Variants in KIF5C observed in about 807,000 individuals in gnomAD.
The protein encoded by KIF5C is kinesin family member 5C.
A neutral mutation model predicts 125.2 loss-of-function variants in KIF5C; 18 were observed. That is an observed-to-expected ratio of 0.14 (90% CI 0.10 to 0.21). The LOEUF (loss-of-function observed/expected upper bound fraction) is 0.21. Ranked by LOEUF, KIF5C falls within the 10% of genes least tolerant of loss-of-function variation. The probability of loss-of-function intolerance (pLI) is 1.00; values close to 1 mark genes in which losing one functional copy is unlikely to be tolerated. For synonymous variants in KIF5C, 405 were observed against 434.0 expected (o/e 0.93, Z 0.83); for missense variants, 780 against 1,183.8 (o/e 0.66, Z 5.01).
chr2:148,884,685 C>G (rs1158072700), intron 1 of KIF5C, among the ~76,000 whole-genome samples: 1 of 152,182 alleles, frequency 6.6e-6, no homozygotes, highest in Non-Finnish European at 1.5e-5. Flanking sequence ...CACAATAACA[C>G]TATCACACAT....
chr2:148,983,051 A>C (rs577819837), intron 14 of KIF5C, among the ~76,000 whole-genome samples: 36 of 152,376 alleles, frequency 2.4e-4, no homozygotes, highest in African/African-American at 8.4e-4. Flanking sequence ...AACGTAACCT[A>C]ATTTTGAAAA....
chr2:148,917,321 C>G (rs1681596017), intron 1 of KIF5C, among the ~76,000 whole-genome samples: 2 of 152,126 alleles, frequency 1.3e-5, no homozygotes, highest in South Asian at 4.2e-4. Flanking sequence ...TTAGTCTTAG[C>G]ATGTGTTATT....
At chr2:149,009,012 CAG>C (rs1051385657) in intron 23 of KIF5C, among the ~76,000 whole-genome samples, 9 of 131,764 alleles carry the variant, frequency 6.8e-5, no homozygotes, top group African/African-American at 2.3e-4. Context: ...TTTTTTGAGG[CAG>C]AGTCTTGCTC....
At chr2:148,886,078 C>T (rs141861501) in intron 1 of KIF5C, 2 of 152,322 alleles carry the variant, frequency 1.3e-5, no homozygotes, top group African/African-American at 2.4e-5. Context: ...ACAACTCCAT[C>T]GATATTAGAA....
chr2:149,009,135 G>A (rs1300872431), intron 23 of KIF5C, among the ~76,000 whole-genome samples: 1 of 151,198 alleles, frequency 6.6e-6, no homozygotes, highest in Non-Finnish European at 1.5e-5. Flanking sequence ...GATTACAGGT[G>A]CGCGCCACCA....
At position 148,991,051 on chromosome 2, in the gene KIF5C, G is replaced by A. The variant is rs1681510513; in HGVS notation, c.1758G>A (p.Met586Ile). The change falls in exon 16 of 26, where the codon ATG becomes ATA. Residue 586 changes from methionine (M) to isoleucine (I), a missense_variant. By Grantham distance (10) the Met-to-Ile change is conservative. Coordinates refer to ENST00000435030, the MANE Select transcript of KIF5C (RefSeq NM_004522.3). The stretch of plus-strand genomic sequence containing the variant: ...GAGTCATTGAGGAGGAGTTTACCAT[G>A]GCCCGCCTGTACATCAGCAAGATGA... ...VNGVIEEEFTMARLYISKMKS... is the reference protein window; with the variant it reads ...VNGVIEEEFTIARLYISKMKS... 1.9e-6 allele frequency: 3 copies of A among 1,613,710 alleles called. No individual in the cohort carries two copies. The highest frequency in any genetic ancestry group is 2.5e-6 in the Non-Finnish European group (3 of 1,179,770).
chr2:149,010,837 G>T (rs532446985), intron 24 of KIF5C, among the ~76,000 whole-genome samples: 63 of 152,350 alleles, frequency 4.1e-4, no homozygotes, highest in African/African-American at 1.4e-3. Flanking sequence ...GTGGCTACAG[G>T]CTGGCACAGA....
intron 1 of KIF5C, among the ~76,000 whole-genome samples, chr2:148,902,530 T>C (rs915433334): frequency 6.6e-6 from 1 of 152,300 alleles, no homozygotes; most frequent in Non-Finnish European, 1.5e-5. Flanking sequence ...TTGGCCAGTC[T>C]GATCTCAAAC....
At chr2:148,973,636 C>T in intron 12 of KIF5C, 125 bp downstream of exon 12, 10 of 1,329,426 alleles carry the variant, frequency 7.5e-6, no homozygotes, top group Non-Finnish European at 9.0e-6. Context: ...TAATACCTAC[C>T]CTAGCACTTT....
At chr2:148,904,456 G>C (rs73007589) in intron 1 of KIF5C, among the ~76,000 whole-genome samples, 6 of 152,132 alleles carry the variant, frequency 3.9e-5, no homozygotes, top group Non-Finnish European at 5.9e-5. Flanking sequence ...GAGGAGTGTC[G>C]TGCTGCGTTT....
intron 11 of KIF5C, among the ~76,000 whole-genome samples, chr2:148,972,119 A>C (rs931439694): frequency 1.1e-4 from 17 of 151,952 alleles, no homozygotes; most frequent in African/African-American, 3.9e-4. Flanking sequence ...ACAAATACTA[A>C]GTTTTGTATT....
intron 1 of KIF5C, among the ~76,000 whole-genome samples, chr2:148,880,351 C>T (rs1211437435): frequency 2.6e-5 from 4 of 152,246 alleles, no homozygotes; most frequent in African/African-American, 9.6e-5. Flanking sequence ...GAACTCCTGA[C>T]TTCAGGTGAT....
rs142090384 is a variant in KIF5C at position 148,981,749 on chromosome 2, G to A, written c.1569+188G>A. On this transcript the variant is annotated intron_variant, in intron 14 of 25. Transcript: ENST00000435030. ...AAGTGACTTTTGTTCACTCTTCCTGGAACTGCATATCATGACTGTTTTATA... is the reference window on the plus strand; with the variant it reads ...AAGTGACTTTTGTTCACTCTTCCTGAAACTGCATATCATGACTGTTTTATA... Among the ~76,000 whole-genome samples, 685 of 152,188 alleles carry A rather than the reference G, an allele frequency of 4.5e-3. 4 individuals carry two copies. Among genetic ancestry groups the A allele is most frequent in the Non-Finnish European group, 6.1e-3 (412 of 68,024 alleles).
chr2:148,931,628 G>A (rs952515351), intron 3 of KIF5C, among the ~76,000 whole-genome samples: 13 of 152,074 alleles, frequency 8.5e-5, no homozygotes, highest in Admixed American at 5.2e-4. Context: ...ACACCACTGC[G>A]CTCCAGCCTG....
chr2:149,005,585 G>A, intron 22 of KIF5C, 121 bp downstream of exon 22: 1 of 1,389,686 alleles, frequency 7.2e-7, no homozygotes, highest in Non-Finnish European at 9.7e-7. Context: ...ATTAATTACT[G>A]CACACCAGAG....
chr2:148,918,643 G>C (rs1471077108), intron 1 of KIF5C, among the ~76,000 whole-genome samples: 1 of 152,210 alleles, frequency 6.6e-6, no homozygotes, highest in East Asian at 1.9e-4. Context: ...GCTGTGAACT[G>C]GGGAATAAGC....
intron 25 of KIF5C, among the ~76,000 whole-genome samples, chr2:149,013,565 G>C (rs972431510): frequency 6.6e-6 from 1 of 152,172 alleles, no homozygotes; most frequent in Non-Finnish European, 1.5e-5. Context: ...TGGGCAGCTG[G>C]CATACTGTGC....
At position 148,965,820 on chromosome 2, in the gene KIF5C, C is replaced by T. The variant is rs1427453847; in HGVS notation, c.1117+3701C>T. On this transcript the variant is annotated intron_variant, in intron 11 of 25. Transcript: ENST00000435030. ...AAGTTCATTCTCTTTCTACTGTCTG[C>T]ACAGCCTGCTCATCAAGTTAGCAGA... Among the ~76,000 whole-genome samples, 10 of 152,164 alleles carry T rather than the reference C, an allele frequency of 6.6e-5. No individual in the cohort carries two copies. In the East Asian group the frequency reaches 1.7e-3, roughly 26 times the overall value.
At chr2:148,959,202 A>G (rs1001816294) in intron 10 of KIF5C, among the ~76,000 whole-genome samples, 13 of 152,154 alleles carry the variant, frequency 8.5e-5, no homozygotes, top group African/African-American at 2.9e-4. Flanking sequence ...CACTTTTGTC[A>G]TAAGTCAGAT....
Sources: allele counts gnomAD v4.1 joint callset (sites outside exome capture counted in the v4.1 genomes callset), GRCh38; gene constraint gnomAD v4.1.1; transcripts MANE v1.5; gene names NCBI Gene and HGNC (gene_info 2026-07-23, HGNC 2026-07-21).